The following AFG2A variants were observed in gnomAD, a reference collection of about 807,000 sequenced individuals.
AFG2A encodes ATPase family gene 2 protein homolog A.
the AFG2A span, chr4:123,317,507 A>G: frequency 6.6e-6 from 1 of 152,148 alleles, no homozygotes; most frequent in Non-Finnish European, 1.5e-5. Context: ...AGATCTGCTG[A>G]TGGGAGCATA....
the AFG2A span, among the ~76,000 whole-genome samples, chr4:123,297,121 T>TA: frequency 6.6e-6 from 1 of 152,172 alleles, no homozygotes; most frequent in Non-Finnish European, 1.5e-5. Flanking sequence ...ACCCCTCCCC[T>TA]ACCCACAAAA....
the AFG2A span, among the ~76,000 whole-genome samples, chr4:123,240,601 C>T: frequency 2.6e-5 from 4 of 152,188 alleles, no homozygotes; most frequent in Admixed American, 1.3e-4. Context: ...AAAGACACAA[C>T]GTACCAGAAT....
the AFG2A span, among the ~76,000 whole-genome samples, chr4:123,257,191 C>T: frequency 6.6e-6 from 1 of 152,044 alleles, no homozygotes; most frequent in African/African-American, 2.4e-5. Context: ...ATAACAACAA[C>T]CAAAATAAAT....
the AFG2A span, among the ~76,000 whole-genome samples, chr4:123,306,931 G>A: frequency 1.3e-5 from 2 of 152,210 alleles, no homozygotes; most frequent in African/African-American, 2.4e-5. Flanking sequence ...GCCTATGGGG[G>A]AAGAGGACAA....
the AFG2A span, among the ~76,000 whole-genome samples, chr4:123,032,767 A>G: frequency 6.6e-6 from 1 of 152,180 alleles, no homozygotes; most frequent in Non-Finnish European, 1.5e-5. Flanking sequence ...CTCCCTCATG[A>G]TGCCTGGCAG....
At chr4:123,238,938 A>G in the AFG2A span, among the ~76,000 whole-genome samples, 1 of 152,168 alleles carries the variant, frequency 6.6e-6, no homozygotes, top group South Asian at 2.1e-4. Flanking sequence ...AAAAACCTTG[A>G]AAAAAGGTGA....
chr4:123,213,887 T>C, the AFG2A span, among the ~76,000 whole-genome samples: 1 of 152,222 alleles, frequency 6.6e-6, no homozygotes, highest in Non-Finnish European at 1.5e-5. Flanking sequence ...TATTGCTTAA[T>C]TGACATTAAA....
the AFG2A span, among the ~76,000 whole-genome samples, chr4:123,040,586 G>A: frequency 9.2e-5 from 14 of 152,262 alleles, no homozygotes; most frequent in Middle Eastern, 3.4e-3. Flanking sequence ...CCTCAGTGAC[G>A]GCTGTGGGTG....
At chr4:123,234,965 A>G in the AFG2A span, among the ~76,000 whole-genome samples, 1 of 152,178 alleles carries the variant, frequency 6.6e-6, no homozygotes, top group Non-Finnish European at 1.5e-5. Context: ...ATGTAAACTC[A>G]TTCATGAATT....
the AFG2A span, among the ~76,000 whole-genome samples, chr4:123,037,685 C>T: frequency 3.3e-5 from 5 of 152,152 alleles, no homozygotes; most frequent in South Asian, 6.2e-4. Flanking sequence ...TTATACTTCA[C>T]CTTTGCCACT....
the AFG2A span, among the ~76,000 whole-genome samples, chr4:123,191,893 T>G: frequency 2.6e-5 from 4 of 152,340 alleles, no homozygotes; most frequent in South Asian, 8.3e-4. Context: ...TATACTTTGT[T>G]TATGTTCCAT....
the AFG2A span, among the ~76,000 whole-genome samples, chr4:123,067,639 A>C: frequency 6.6e-6 from 1 of 152,304 alleles, no homozygotes; most frequent in African/African-American, 2.4e-5. Flanking sequence ...TGAGTATATA[A>C]GATGCTGGTA....
chr4:122,999,401 G>A, the AFG2A span, among the ~76,000 whole-genome samples: 1 of 151,838 alleles, frequency 6.6e-6, no homozygotes, highest in Admixed American at 6.6e-5. Flanking sequence ...TGTCCTGCAT[G>A]GTAATACCTA....
chr4:123,037,353 T>G, the AFG2A span, among the ~76,000 whole-genome samples: 1 of 152,146 alleles, frequency 6.6e-6, no homozygotes, highest in Admixed American at 6.5e-5. Context: ...TTTGTTATTT[T>G]GTAAACTTGG....
chr4:123,086,615 C>G, the AFG2A span, among the ~76,000 whole-genome samples: 1 of 152,036 alleles, frequency 6.6e-6, no homozygotes, highest in Non-Finnish European at 1.5e-5. Flanking sequence ...TCTCTTCTTT[C>G]TTCTTTTGGT....
At chr4:123,069,490 AAAG>A in the AFG2A span, among the ~76,000 whole-genome samples, 314 of 152,256 alleles carry the variant, frequency 2.1e-3, 6 homozygotes, top group East Asian at 0.049. Flanking sequence ...GGGAATACAC[AAAG>A]AAGGAGTGTA....
the AFG2A span, among the ~76,000 whole-genome samples, chr4:123,065,308 G>A: frequency 2.0e-5 from 3 of 152,070 alleles, no homozygotes; most frequent in Admixed American, 2.0e-4. Flanking sequence ...TCTCCAATAG[G>A]CTTTGCGTTG....
At chr4:123,287,698 TAAAG>T in the AFG2A span, among the ~76,000 whole-genome samples, 2 of 151,994 alleles carry the variant, frequency 1.3e-5, no homozygotes, top group South Asian at 2.1e-4. Flanking sequence ...GCAACGAAAA[TAAAG>T]AAGTCTATTT....
At chr4:123,102,405 T>C in the AFG2A span, 3 of 151,978 alleles carry the variant, frequency 2.0e-5, no homozygotes, top group Non-Finnish European at 4.4e-5. Flanking sequence ...CATTTAAAAT[T>C]TATTACTCTT....
Sources: gnomAD v4.1 joint callset for allele counts (sites outside exome capture counted in the v4.1 genomes callset) on GRCh38, gnomAD v4.1.1 for gene constraint, MANE v1.5 for transcripts, NCBI Gene and HGNC (gene_info 2026-07-23, HGNC 2026-07-21) for gene names.